The following RYR2 variants were observed in gnomAD, a reference collection of about 807,000 sequenced individuals.
The protein encoded by RYR2 is cardiac muscle ryanodine receptor-calcium release channel.
A neutral mutation model predicts 601.1 loss-of-function variants in RYR2; 227 were observed. The observed-to-expected ratio is 0.38, with a 90% confidence interval of 0.34 to 0.42. The LOEUF is 0.42. RYR2 is among the 10% of genes least tolerant of loss of function. The pLI, the probability that RYR2 is intolerant of heterozygous loss-of-function variation, is 1.00. For synonymous variants in RYR2, 2,223 were observed against 2,175.1 expected (o/e 1.02, Z -0.61); for missense variants, 4,646 against 6,156.5 (o/e 0.75, Z 8.21).
chr1:237,547,978 A>G (rs926873872), intron 25 of RYR2, among the ~76,000 whole-genome samples: 7 of 152,234 alleles, frequency 4.6e-5, no homozygotes, highest in Admixed American at 3.3e-4. Flanking sequence ...CCTGTGGAAT[A>G]AGAAATAGGT....
intron 3 of RYR2, among the ~76,000 whole-genome samples, chr1:237,339,958 G>T (rs1313791406): frequency 6.6e-6 from 1 of 152,158 alleles, no homozygotes; most frequent in Non-Finnish European, 1.5e-5. Context: ...AGCACAACTG[G>T]CTCCGACCAT....
chr1:237,805,736 C>G (rs1236234137), intron 98 of RYR2, among the ~76,000 whole-genome samples: 1 of 151,368 alleles, frequency 6.6e-6, no homozygotes, highest in Non-Finnish European at 1.5e-5. Flanking sequence ...ATAATGTAAT[C>G]AGATCAGGGT....
chr1:237,420,226 G>C (rs930666432), intron 11 of RYR2, among the ~76,000 whole-genome samples: 3 of 152,074 alleles, frequency 2.0e-5, no homozygotes, highest in Admixed American at 6.6e-5. Flanking sequence ...CAAAATTATA[G>C]GGATATTGTA....
intron 10 of RYR2, among the ~76,000 whole-genome samples, chr1:237,390,742 T>G (rs1340209543): frequency 6.6e-6 from 1 of 152,100 alleles, no homozygotes; most frequent in Admixed American, 6.6e-5. Flanking sequence ...CTGGACCCAC[T>G]CTCCCTTTGC....
chr1:237,579,924 A>G (rs766521178), intron 29 of RYR2, among the ~76,000 whole-genome samples: 8 of 152,180 alleles, frequency 5.3e-5, no homozygotes, highest in Non-Finnish European at 1.0e-4. Context: ...TTGGAAAAAA[A>G]CAATAAAGAC....
At chr1:237,375,773 T>C (rs1224163786) in intron 7 of RYR2, among the ~76,000 whole-genome samples, 1 of 152,196 alleles carries the variant, frequency 6.6e-6, no homozygotes, top group Non-Finnish European at 1.5e-5. Flanking sequence ...AGTTTTCTTA[T>C]TCTAGTTAAT....
chr1:237,452,578 G>A (rs1193178301), intron 14 of RYR2, among the ~76,000 whole-genome samples: 1 of 146,694 alleles, frequency 6.8e-6, no homozygotes, highest in Non-Finnish European at 1.5e-5. Context: ...CACTATATAT[G>A]TTTTCATTTT....
chr1:237,169,556 C>A (rs1677123314), intron 1 of RYR2, among the ~76,000 whole-genome samples: 1 of 152,112 alleles, frequency 6.6e-6, no homozygotes, highest in Non-Finnish European at 1.5e-5. Context: ...CTCGACCTCC[C>A]AAAGTGCTGG....
Position 237,494,913 on chromosome 1 carries a change from C to T in RYR2, c.1962-1598C>T, listed in dbSNP as rs1558916778. ...TCAAGCCATTCTCCTGCCTCAGCCT[C>T]CTGAGTAGCTGGGATTACAGGTGCA... On this transcript the variant is annotated intron_variant, in intron 19 of 104. Transcript: ENST00000366574. Among the ~76,000 whole-genome samples the T allele has an allele frequency of 4.6e-5, 7 of 152,192 alleles. No homozygotes were observed. The South Asian group carries it at 1.5e-3, about 32-fold the overall frequency.
intron 1 of RYR2, among the ~76,000 whole-genome samples, chr1:237,217,489 A>G (rs1308578914): frequency 1.3e-5 from 2 of 152,304 alleles, no homozygotes; most frequent in East Asian, 1.9e-4. Context: ...TTGACTGCAC[A>G]TCGCATAACA....
At chr1:237,073,238 GGGGCCCTGCTTT>G (rs1664601803) in intron 1 of RYR2, among the ~76,000 whole-genome samples, 1 of 152,164 alleles carries the variant, frequency 6.6e-6, no homozygotes, top group Non-Finnish European at 1.5e-5. Context: ...AATACAGATA[GGGGCCCTGCTTT>G]GGATGGGCCT....
chr1:237,593,751 T>C, intron 33 of RYR2, 115 bp downstream of exon 33: 1 of 1,085,974 alleles, frequency 9.2e-7, no homozygotes, highest in Non-Finnish European at 1.3e-6. Flanking sequence ...AGGAAGAATA[T>C]AATCAAGCCA....
At chr1:237,375,318 TAGG>T (rs1700936014) in intron 7 of RYR2, among the ~76,000 whole-genome samples, 1 of 152,346 alleles carries the variant, frequency 6.6e-6, no homozygotes, top group Non-Finnish European at 1.5e-5. Flanking sequence ...AGAATCAAAA[TAGG>T]AGAACACAAA....
Position 237,730,292 on chromosome 1 carries a change from A to G in RYR2, c.10871A>G (p.Tyr3624Cys). 1.2e-6 allele frequency: 2 copies of G among 1,608,398 alleles called. No homozygotes were observed. Among genetic ancestry groups the G allele is most frequent in the Non-Finnish European group, 1.7e-6 (2 of 1,175,004 alleles). The change falls in exon 77 of 105, where the codon TAT (tyrosine) becomes TGT (cysteine). Residue 3624 changes from tyrosine (Y) to cysteine (C), a missense_variant. Tyr to Cys is a radical substitution (Grantham distance 194). Around this residue, in one of 17 missense-constraint regions of RYR2, gnomAD observed 1,497 missense variants for 1,842.6 expected, o/e 0.81. Transcript: ENST00000366574. ...GCTGTCAATCTCTTTCTTCAGGGAT[A>G]TGAAAAGTCTTGGATTGAAACAGAA... is the stretch of plus-strand genomic sequence containing the variant. ...HRAVNLFLQG[Y>C]EKSWIETEEH...
intron 1 of RYR2, among the ~76,000 whole-genome samples, chr1:237,244,785 T>C (rs994857849): frequency 4.3e-5 from 6 of 141,026 alleles, no homozygotes; most frequent in African/African-American, 1.6e-4. Flanking sequence ...CGCGAGACAA[T>C]GAGCCCCGGG....
chr1:237,790,292 CCAA>C (rs1284053003), intron 92 of RYR2, among the ~76,000 whole-genome samples: 2 of 152,214 alleles, frequency 1.3e-5, no homozygotes, highest in East Asian at 3.9e-4. Context: ...TAAATACAAC[CCAA>C]CGATAATTAT....
chr1:237,681,761 T>G (rs1281262942), intron 62 of RYR2, among the ~76,000 whole-genome samples: 1 of 151,964 alleles, frequency 6.6e-6, no homozygotes, highest in East Asian at 1.9e-4. Context: ...GGAGAGCAGC[T>G]CCTCCCTCAT....
intron 52 of RYR2, 96 bp from the exon 53 acceptor site, chr1:237,655,725 C>T: frequency 8.6e-7 from 1 of 1,163,900 alleles, no homozygotes; most frequent in Non-Finnish European, 1.2e-6. Context: ...CAGGGTAATT[C>T]AGATTTTCTT....
Position 237,714,997 on chromosome 1 carries a change from A to T in RYR2, c.10324-2201A>T, listed in dbSNP as rs1354781665. Among the ~76,000 whole-genome samples, 230 of 125,312 alleles carry T rather than the reference A, an allele frequency of 1.8e-3. 5 individuals are homozygous for T. Among genetic ancestry groups the T allele is most frequent in the South Asian group, 0.013 (52 of 3,854 alleles). 82.2% of individuals were successfully genotyped at this position (125,312 alleles called of 152,430 possible). A position where few individuals can be genotyped will look rare whatever the true frequency, so the allele number is the denominator to read the frequency against. ...ACAGAGCGAGACTCCATCTCAAAAA[A>T]AAAAAAAAAAAAAAAAAAAAAAAAA... On this transcript the variant is annotated intron_variant, in intron 71 of 104. Transcript: ENST00000366574.
Sources: allele counts gnomAD v4.1 joint callset (sites outside exome capture counted in the v4.1 genomes callset), GRCh38; gene constraint gnomAD v4.1.1; regional missense constraint gnomAD v4.1.1; transcripts MANE v1.5; gene names NCBI Gene and HGNC (gene_info 2026-07-23, HGNC 2026-07-21).